Variants in TTLL5 observed in about 807,000 individuals in gnomAD.
TTLL5 encodes tubulin polyglutamylase TTLL5.
Under a neutral mutation model 168.4 loss-of-function variants are expected in TTLL5, and 132 were observed. The observed-to-expected ratio is 0.78, with a 90% CI of 0.68 to 0.91. The LOEUF (loss-of-function observed/expected upper bound fraction) is 0.91, where lower values mean the gene tolerates loss of function less well. TTLL5 is among the 40% of genes least tolerant of loss of function. The pLI is 0.00. For missense variants in TTLL5, 1,545 were observed against 1,581.5 expected, an observed-to-expected ratio of 0.98 and a Z score of 0.39; for synonymous variants, 546 against 558.6, an observed-to-expected ratio of 0.98 and a Z score of 0.32.
chr14:75,797,893 G>T (rs1288164472), intron 27 of TTLL5, among the ~76,000 whole-genome samples: 1 of 152,002 alleles, frequency 6.6e-6, no homozygotes, highest in Non-Finnish European at 1.5e-5. Context: ...CAGAGATATT[G>T]GTCTGTAGTT....
intron 31 of TTLL5, among the ~76,000 whole-genome samples, chr14:75,922,711 G>A (rs561633569): frequency 4.6e-5 from 7 of 151,820 alleles, no homozygotes; most frequent in Admixed American, 3.3e-4. Flanking sequence ...GTGTCTCTGC[G>A]GGGCTTTGGT....
intron 27 of TTLL5, among the ~76,000 whole-genome samples, chr14:75,812,473 A>T (rs2095328654): frequency 6.6e-6 from 1 of 152,190 alleles, no homozygotes; most frequent in Non-Finnish European, 1.5e-5. Flanking sequence ...ATAGCAAGTA[A>T]TCTTGGAATT....
At chr14:75,663,738 T>C (rs1883044135) in intron 2 of TTLL5, among the ~76,000 whole-genome samples, 2 of 152,222 alleles carry the variant, frequency 1.3e-5, no homozygotes, top group South Asian at 4.1e-4. Context: ...ACTGCTTTCC[T>C]GAGTTCTTTT....
chr14:75,892,128 C>T (rs903489474), intron 30 of TTLL5, among the ~76,000 whole-genome samples: 4 of 152,144 alleles, frequency 2.6e-5, no homozygotes, highest in Non-Finnish European at 5.9e-5. Context: ...AAGACAAAGG[C>T]TCAGTTTCAA....
At chr14:75,792,856 C>G in intron 26 of TTLL5, 60 bp from the exon 27 acceptor site, 1 of 1,450,616 alleles carries the variant, frequency 6.9e-7, no homozygotes, top group Non-Finnish European at 9.2e-7. Flanking sequence ...CTGTCATTAT[C>G]CTAATTTTTT....
intron 27 of TTLL5, among the ~76,000 whole-genome samples, chr14:75,802,331 A>G (rs117514405): frequency 0.012 from 1,900 of 152,210 alleles, 15 homozygotes; most frequent in South Asian, 0.026. Context: ...TTTTCTCTGA[A>G]CATTGCTCTC....
intron 3 of TTLL5, among the ~76,000 whole-genome samples, chr14:75,677,614 T>TTC (rs1381796184): frequency 1.3e-5 from 2 of 150,294 alleles, no homozygotes. Flanking sequence ...CCAGGCTGGT[T>TTC]TCTCTCTCTC....
At chr14:75,682,541 A>G (rs1013697667) in intron 4 of TTLL5, among the ~76,000 whole-genome samples, 3 of 152,090 alleles carry the variant, frequency 2.0e-5, no homozygotes, top group Admixed American at 6.5e-5. Context: ...TTGGGTTTGG[A>G]TCCACTCCTT....
intron 27 of TTLL5, among the ~76,000 whole-genome samples, chr14:75,797,378 G>C (rs917467564): frequency 7.2e-5 from 11 of 152,000 alleles, no homozygotes; most frequent in African/African-American, 2.4e-4. Flanking sequence ...GCAACAGTTT[G>C]ACTTCCTCTT....
At chr14:75,913,032 A>T (rs1181486766) in intron 31 of TTLL5, among the ~76,000 whole-genome samples, 1 of 152,190 alleles carries the variant, frequency 6.6e-6, no homozygotes, top group Non-Finnish European at 1.5e-5. Context: ...AACTTCTCTC[A>T]ATTGATTGCT....
At chr14:75,934,004 C>G (rs2034357773) in intron 31 of TTLL5, among the ~76,000 whole-genome samples, 1 of 152,176 alleles carries the variant, frequency 6.6e-6, no homozygotes, top group African/African-American at 2.4e-5. Context: ...AAATGAGTTC[C>G]TGTTATTTCA....
chr14:75,873,843 C>T (rs2031244480), intron 29 of TTLL5, among the ~76,000 whole-genome samples: 2 of 152,090 alleles, frequency 1.3e-5, no homozygotes, highest in African/African-American at 4.8e-5. Flanking sequence ...ATGATGTCAA[C>T]TTGGGGGTTT....
chr14:75,771,604 A>G, intron 20 of TTLL5, 130 bp from the exon 21 acceptor site: 1 of 1,321,594 alleles, frequency 7.6e-7, no homozygotes, highest in Non-Finnish European at 1.0e-6. Context: ...CACAGGCTGT[A>G]AGATGGGTTT....
At chr14:75,811,156 A>AGAGTGTGTGTGTGTGTGTGTGT (rs60194482) in intron 27 of TTLL5, among the ~76,000 whole-genome samples, 4 of 116,532 alleles carry the variant, frequency 3.4e-5, no homozygotes, top group Admixed American at 2.0e-4. Flanking sequence ...TGAAAGAAAG[A>AGAGTGTGTGTGTGTGTGTGTGT]GTGTGTGTGT....
intron 19 of TTLL5, 23 bp from the exon 20 acceptor site, chr14:75,766,039 C>A: frequency 6.3e-7 from 1 of 1,585,488 alleles, no homozygotes; most frequent in Non-Finnish European, 8.6e-7. Context: ...TTTTCAGCAA[C>A]ATTAGTGATT....
At chr14:75,755,612 G>C (rs1890206158) in intron 18 of TTLL5, among the ~76,000 whole-genome samples, 1 of 151,998 alleles carries the variant, frequency 6.6e-6, no homozygotes, top group Non-Finnish European at 1.5e-5. Flanking sequence ...TGGCTCTTAA[G>C]AGTAGATACT....
intron 21 of TTLL5, 89 bp downstream of exon 21, chr14:75,771,943 G>A (rs1457569265): frequency 7.7e-6 from 11 of 1,437,542 alleles, no homozygotes; most frequent in Non-Finnish European, 1.0e-5. Context: ...AGGGTAAAGT[G>A]CGATATTTTT....
At chr14:75,925,101 C>A (rs1241426219) in intron 31 of TTLL5, among the ~76,000 whole-genome samples, 3 of 147,352 alleles carry the variant, frequency 2.0e-5, no homozygotes, top group Non-Finnish European at 4.5e-5. Flanking sequence ...GACCCCCCAA[C>A]CTCCCTCCCG....
chr14:75,910,529 T>C (rs1473182541), intron 31 of TTLL5, among the ~76,000 whole-genome samples: 2 of 152,244 alleles, frequency 1.3e-5, no homozygotes, highest in South Asian at 2.1e-4. Flanking sequence ...ACACATCTTA[T>C]AGCCACATAC....
Sources: allele counts gnomAD v4.1 joint callset (sites outside exome capture counted in the v4.1 genomes callset), GRCh38; gene constraint gnomAD v4.1.1; transcripts MANE v1.5; gene names NCBI Gene and HGNC (gene_info 2026-07-23, HGNC 2026-07-21).